The following CEACAM6 variants were observed in gnomAD, a reference collection of about 807,000 sequenced individuals.
The protein encoded by CEACAM6 is cell adhesion molecule CEACAM6.
In CEACAM6, 21 loss-of-function variants were observed where a neutral mutation model predicts 32.4. That is an observed-to-expected ratio of 0.65 (90% CI 0.46 to 0.93). The LOEUF (loss-of-function observed/expected upper bound fraction) is 0.93, where lower values mean the gene tolerates loss of function less well. CEACAM6 is among the 40% of genes least tolerant of loss of function. The pLI is 0.00. For synonymous variants in CEACAM6, 184 were observed against 174.4 expected, an observed-to-expected ratio of 1.06 and a Z score of -0.43; for missense variants, 406 against 432.2, an observed-to-expected ratio of 0.94 and a Z score of 0.54.
At chr19:41,769,989 A>C (rs1555822828) in intron 5 of CEACAM6, among the ~76,000 whole-genome samples, 2 of 151,502 alleles carry the variant, frequency 1.3e-5, no homozygotes, top group East Asian at 1.9e-4. Flanking sequence ...ATTTGGGAAT[A>C]TACATAGATG....
At chr19:41,762,854 C>A (rs2072935085) in intron 4 of CEACAM6, among the ~76,000 whole-genome samples, 2 of 152,172 alleles carry the variant, frequency 1.3e-5, no homozygotes, top group South Asian at 4.1e-4. Flanking sequence ...ACCAAAGCCT[C>A]CCCTGGATCA....
intron 3 of CEACAM6, 108 bp downstream of exon 3, chr19:41,761,635 A>C (rs2072925117): frequency 1.3e-6 from 2 of 1,549,312 alleles, no homozygotes; most frequent in Non-Finnish European, 1.7e-6. Context: ...ACCCTCACCC[A>C]GGCTGGCCAT....
At chr19:41,770,294 G>C (rs1317956778) in intron 5 of CEACAM6, among the ~76,000 whole-genome samples, 1 of 151,802 alleles carries the variant, frequency 6.6e-6, no homozygotes, top group Admixed American at 6.6e-5. Flanking sequence ...GTGGTGGCGG[G>C]CTCCTGTAAT....
At chr19:41,763,172 C>T (rs1387227668) in intron 4 of CEACAM6, among the ~76,000 whole-genome samples, 7 of 152,134 alleles carry the variant, frequency 4.6e-5, no homozygotes, top group Non-Finnish European at 7.4e-5. Flanking sequence ...AACACATTCC[C>T]GTTGTTCTGC....
At chr19:41,762,613 GCT>G (rs2072933599) in intron 4 of CEACAM6, among the ~76,000 whole-genome samples, 2 of 152,088 alleles carry the variant, frequency 1.3e-5, no homozygotes, top group Non-Finnish European at 1.5e-5. Context: ...TACTCCATAA[GCT>G]ACAAGGGACA....
At chr19:41,756,994 G>T (rs1555821234) in intron 2 of CEACAM6, 35 bp downstream of exon 2, 2 of 1,569,190 alleles carry the variant, frequency 1.3e-6, no homozygotes, top group African/African-American at 2.7e-5. Context: ...GGTGTTGGGG[G>T]TCAGTTCTAC....
At chr19:41,760,213 C>G (rs2072914124) in intron 2 of CEACAM6, among the ~76,000 whole-genome samples, 1 of 152,206 alleles carries the variant, frequency 6.6e-6, no homozygotes, top group African/African-American at 2.4e-5. Context: ...TACTCTGATT[C>G]CATGAGTGTG....
chr19:41,759,416 A>AT (rs574468553), intron 2 of CEACAM6, among the ~76,000 whole-genome samples: 10 of 152,224 alleles, frequency 6.6e-5, no homozygotes, highest in Non-Finnish European at 1.0e-4. Flanking sequence ...CTGCACAGGA[A>AT]TTAGGGGCAG....
chr19:41,759,581 T>G (rs1488865382), intron 2 of CEACAM6, among the ~76,000 whole-genome samples: 4 of 152,214 alleles, frequency 2.6e-5, no homozygotes, highest in Non-Finnish European at 4.4e-5. Flanking sequence ...AAGGAGTTGC[T>G]AATTTCAAAC....
At chr19:41,768,681 C>G (rs1385499119) in intron 5 of CEACAM6, among the ~76,000 whole-genome samples, 1 of 152,020 alleles carries the variant, frequency 6.6e-6, no homozygotes, top group Non-Finnish European at 1.5e-5. Flanking sequence ...GGCGGCCGGG[C>G]AGAGGCGCCC....
chr19:41,755,577 C>G lies in CEACAM6; in HGVS notation c.-62C>G. On this transcript the variant is annotated 5_prime_UTR_variant, in exon 1 of 6. Transcript: ENST00000199764. The stretch of plus-strand genomic sequence containing the variant: ...GGCCAACAGTCACAGCAGCCCTGAC[C>G]AGAGCATTCCTGGAGCTCAAGCTCC... The G allele has an allele frequency of 6.6e-7, 1 of 1,521,194 alleles. No homozygotes were observed. Among genetic ancestry groups the G allele is most frequent in the Admixed American group, 1.7e-5 (1 of 59,598 alleles). The allele number at this position is 1,521,194 out of a possible 1,614,324, so 94.2% of individuals were successfully genotyped here.
At chr19:41,765,266 A>T (rs1001158937) in intron 4 of CEACAM6, among the ~76,000 whole-genome samples, 10 of 152,224 alleles carry the variant, frequency 6.6e-5, no homozygotes, top group Non-Finnish European at 1.0e-4. Flanking sequence ...CAAATGAGAT[A>T]CAGGTAAAGT....
At chr19:41,756,474 A>ACG in intron 1 of CEACAM6, 126 bp from the exon 2 acceptor site, 1 of 1,387,106 alleles carries the variant, frequency 7.2e-7, no homozygotes, top group Non-Finnish European at 9.5e-7. Flanking sequence ...ACACACACAC[A>ACG]CACACACACA....
intron 3 of CEACAM6, 75 bp downstream of exon 3, chr19:41,761,602 C>T: frequency 1.9e-6 from 3 of 1,587,556 alleles, no homozygotes; most frequent in Non-Finnish European, 2.6e-6. Flanking sequence ...GTCTCTCAGT[C>T]CCTCTCAGGT....
At chr19:41,763,389 A>T (rs2072938345) in intron 4 of CEACAM6, among the ~76,000 whole-genome samples, 1 of 151,358 alleles carries the variant, frequency 6.6e-6, no homozygotes, top group African/African-American at 2.5e-5. Context: ...AAAGCCTCAG[A>T]AAAAACACAC....
rs879945992 is a variant in CEACAM6 at position 41,766,215 on chromosome 19, G to A, written c.991G>A (p.Val331Ile). The change falls in exon 5 of 6, where the codon GTC (valine) becomes ATC (isoleucine). Residue 331 changes from valine (V) to isoleucine (I), a missense_variant. Val to Ile is a conservative substitution (Grantham distance 29). Transcript: ENST00000199764. ...TCCTGTCCTCTCAGCTGTGGCCACC[G>A]TCGGCATCACGATTGGAGTGCTGGC... ...SAPVLSAVAT[V>I]GITIGVLARV... is the part of the protein sequence containing the mutation. The A allele has an allele frequency of 2.2e-5, 36 of 1,607,076 alleles. No individual in the cohort carries two copies. The highest frequency in any genetic ancestry group is 1.2e-4 in the Admixed American group (7 of 58,838).
intron 4 of CEACAM6, among the ~76,000 whole-genome samples, 157 bp downstream of exon 4, chr19:41,762,380 CTTTT>C (rs1555822025): frequency 1.3e-5 from 2 of 152,144 alleles, no homozygotes; most frequent in African/African-American, 4.8e-5. Context: ...TCTGCAGACT[CTTTT>C]CCCCTTGTTT....
chr19:41,760,783 G>C (rs1466880269), intron 2 of CEACAM6, among the ~76,000 whole-genome samples: 2 of 152,132 alleles, frequency 1.3e-5, no homozygotes, highest in Non-Finnish European at 2.9e-5. Context: ...TGGGGTTTAA[G>C]GACAATAAGA....
At chr19:41,760,158 C>T (rs567816399) in intron 2 of CEACAM6, among the ~76,000 whole-genome samples, 4 of 152,340 alleles carry the variant, frequency 2.6e-5, no homozygotes, top group East Asian at 1.9e-4. Context: ...CACCCATTGA[C>T]TAACTCCCCA....
Sources: allele counts gnomAD v4.1 joint callset (sites outside exome capture counted in the v4.1 genomes callset), GRCh38; gene constraint gnomAD v4.1.1; transcripts MANE v1.5; gene names NCBI Gene and HGNC (gene_info 2026-07-23, HGNC 2026-07-21).